Variants in ZC3H12B observed in about 807,000 individuals in gnomAD.
ZC3H12B encodes zinc finger CCCH-type containing 12B.
Under a neutral mutation model 43.9 loss-of-function variants are expected in ZC3H12B, and 7 were observed. That is an observed-to-expected ratio of 0.16 (90% CI 0.09 to 0.30). The LOEUF (loss-of-function observed/expected upper bound fraction) is 0.30, where lower values mean the gene tolerates loss of function less well. ZC3H12B is among the 10% of genes least tolerant of loss of function. The pLI, the probability that ZC3H12B is intolerant of heterozygous loss-of-function variation, is 1.00. For missense variants in ZC3H12B, 475 were observed against 670.2 expected, an observed-to-expected ratio of 0.71 and a Z score of 3.22; for synonymous variants, 222 against 241.7, an observed-to-expected ratio of 0.92 and a Z score of 0.76.
At chrX:65,251,141 C>T in the ZC3H12B span, among the ~76,000 whole-genome samples, 3 of 111,882 alleles carry the variant, frequency 2.7e-5, no homozygotes, top group Admixed American at 2.8e-4. Context: ...GATCCAGTTT[C>T]AGCTTTCTAC....
chrX:65,345,964 A>G, the ZC3H12B span, among the ~76,000 whole-genome samples: 35 of 111,722 alleles, frequency 3.1e-4, no homozygotes, highest in Non-Finnish European at 5.8e-4. Flanking sequence ...AAAAGAAATT[A>G]TTGATGACAA....
the ZC3H12B span, among the ~76,000 whole-genome samples, chrX:65,157,696 A>C: frequency 9.0e-5 from 10 of 111,582 alleles, no homozygotes; most frequent in Middle Eastern, 9.3e-3. Flanking sequence ...TTACTAATAT[A>C]TTTGAATTTA....
chrX:65,366,304 T>C (rs1002833301), upstream of ZC3H12B, among the ~76,000 whole-genome samples: 2 of 111,682 alleles, frequency 1.8e-5, no homozygotes, highest in African/African-American at 6.5e-5. Flanking sequence ...CTTCTTCTTT[T>C]AATAGAAGCT....
the ZC3H12B span, among the ~76,000 whole-genome samples, chrX:65,160,137 T>A: frequency 4.9e-4 from 55 of 111,623 alleles, no homozygotes; most frequent in Non-Finnish European, 9.4e-4. Context: ...TGGATAAGGT[T>A]TTTGATGTGC....
At chrX:65,493,171 C>T (rs2068228928) in intron 1 of ZC3H12B, among the ~76,000 whole-genome samples, 2 of 110,208 alleles carry the variant, frequency 1.8e-5, no homozygotes, top group South Asian at 7.8e-4. Flanking sequence ...CTTTGGGAGG[C>T]TGAGGCAGGA....
At chrX:65,332,710 A>T in the ZC3H12B span, among the ~76,000 whole-genome samples, 2 of 111,949 alleles carry the variant, frequency 1.8e-5, no homozygotes, top group South Asian at 7.4e-4. Flanking sequence ...AAACTCAAAA[A>T]CAACTGATGA....
the ZC3H12B span, chrX:65,272,223 A>T: frequency 9.3e-6 from 1 of 106,956 alleles, no homozygotes; most frequent in East Asian, 2.9e-4. Flanking sequence ...AAAACAAAAT[A>T]AAAATTAAAA....
At chrX:65,418,170 A>G (rs1272610915) in intron 3 of ZC3H12B, among the ~76,000 whole-genome samples, 5 of 111,803 alleles carry the variant, frequency 4.5e-5, no homozygotes, top group Non-Finnish European at 9.4e-5. Flanking sequence ...ACAGAAGGGG[A>G]ATTTCAAGTT....
At chrX:65,135,521 A>G in the ZC3H12B span, among the ~76,000 whole-genome samples, 1 of 106,208 alleles carries the variant, frequency 9.4e-6, no homozygotes, top group Non-Finnish European at 1.9e-5. Context: ...AATATATATT[A>G]TAATGGATAT....
At chrX:65,049,647 T>C in the ZC3H12B span, among the ~76,000 whole-genome samples, 1 of 111,685 alleles carries the variant, frequency 9.0e-6, no homozygotes, top group Non-Finnish European at 1.9e-5. Flanking sequence ...TTGTTTTGGC[T>C]ATTGGGAGTC....
chrX:65,286,521 A>G, the ZC3H12B span, among the ~76,000 whole-genome samples: 1 of 110,904 alleles, frequency 9.0e-6, no homozygotes, highest in African/African-American at 3.3e-5. Flanking sequence ...CAATTTACCC[A>G]TGTAACAAAC....
intron 3 of ZC3H12B, among the ~76,000 whole-genome samples, chrX:65,472,966 G>GTGTGTATATATATATATATATA (rs2067942481): frequency 1.3e-5 from 1 of 78,988 alleles, no homozygotes; most frequent in African/African-American, 7.1e-5. Flanking sequence ...TTGTGTATGT[G>GTGTGTATATATATATATATATA]TATGTGTGTG....
the ZC3H12B span, among the ~76,000 whole-genome samples, chrX:65,169,739 T>A: frequency 8.9e-3 from 996 of 112,359 alleles, 18 homozygotes; most frequent in African/African-American, 0.03. Flanking sequence ...GCATATATAT[T>A]AAGCATAGTT....
chrX:65,388,547 T>G (rs2066564344), intron 2 of ZC3H12B, among the ~76,000 whole-genome samples: 1 of 111,488 alleles, frequency 9.0e-6, no homozygotes, highest in Non-Finnish European at 1.9e-5. Flanking sequence ...TTTGTCTAAT[T>G]TTTTTTTCAA....
At chrX:65,310,039 T>A in the ZC3H12B span, among the ~76,000 whole-genome samples, 5 of 111,988 alleles carry the variant, frequency 4.5e-5, no homozygotes, top group Non-Finnish European at 7.5e-5. Context: ...TCACAGCCAA[T>A]ATCATACTGA....
chrX:65,346,371 T>A, the ZC3H12B span, among the ~76,000 whole-genome samples: 1 of 110,374 alleles, frequency 9.1e-6, no homozygotes, highest in Non-Finnish European at 1.9e-5. Flanking sequence ...AAGCAAGCAA[T>A]GGGGAAAGGA....
At chrX:65,396,707 G>A (rs1283022126) in intron 2 of ZC3H12B, among the ~76,000 whole-genome samples, 1 of 110,787 alleles carries the variant, frequency 9.0e-6, no homozygotes, top group African/African-American at 3.3e-5. Context: ...TTCTGTAGAT[G>A]TCTATTAGGT....
intron 2 of ZC3H12B, among the ~76,000 whole-genome samples, chrX:65,392,796 G>T (rs1001713743): frequency 8.8e-6 from 1 of 113,051 alleles, no homozygotes; most frequent in Non-Finnish European, 1.9e-5. Context: ...CAGTTTTGTC[G>T]AATAGAAAAG....
the ZC3H12B span, among the ~76,000 whole-genome samples, chrX:65,195,125 G>C: frequency 9.3e-6 from 1 of 107,920 alleles, no homozygotes; most frequent in African/African-American, 3.4e-5. Flanking sequence ...CAGCCACTCT[G>C]TCTTTTTAAT....
Sources: gnomAD v4.1 joint callset for allele counts (sites outside exome capture counted in the v4.1 genomes callset) on GRCh38, gnomAD v4.1.1 for gene constraint, MANE v1.5 for transcripts, NCBI Gene and HGNC (gene_info 2026-07-23, HGNC 2026-07-21) for gene names.